The following VOPP1 variants were observed in gnomAD, a reference collection of about 807,000 sequenced individuals.
VOPP1 encodes the protein VOPP1 WW domain binding protein.
A neutral mutation model predicts 23.5 loss-of-function variants in VOPP1; 8 were observed. The observed-to-expected ratio is 0.34, with a 90% CI of 0.20 to 0.61. VOPP1 has a LOEUF of 0.61. Among genes scored for constraint, VOPP1 ranks in the 20% least tolerant of loss-of-function variants. VOPP1 has a pLI of 0.78. For missense variants in VOPP1, 174 were observed against 238.1 expected (o/e 0.73, Z 1.77); for synonymous variants, 83 against 97.3 (o/e 0.85, Z 0.86).
At chr7:55,521,729 C>A in intron 1 of VOPP1, 2 of 981,540 alleles carry the variant, frequency 2.0e-6, no homozygotes, top group Non-Finnish European at 2.4e-6. Context: ...CCCAGCCCCA[C>A]AGGGCAGGGC....
intron 4 of VOPP1, among the ~76,000 whole-genome samples, chr7:55,490,265 C>G (rs764338211): frequency 1.3e-5 from 2 of 151,950 alleles, no homozygotes; most frequent in Non-Finnish European, 2.9e-5. Context: ...AGGCACTGCT[C>G]CAGGGTGAGA....
intron 1 of VOPP1, among the ~76,000 whole-genome samples, chr7:55,527,634 C>T (rs1796265744): frequency 6.6e-6 from 1 of 152,158 alleles, no homozygotes; most frequent in Non-Finnish European, 1.5e-5. Flanking sequence ...GGTAAAAAGC[C>T]TCATCCCCAG....
At chr7:55,534,803 T>C (rs1796688009) in intron 1 of VOPP1, among the ~76,000 whole-genome samples, 1 of 152,222 alleles carries the variant, frequency 6.6e-6, no homozygotes, top group Admixed American at 6.5e-5. Flanking sequence ...CACCCAGTGC[T>C]CTGGACTTTG....
At chr7:55,546,888 G>T (rs1232469296) in intron 1 of VOPP1, among the ~76,000 whole-genome samples, 1 of 152,212 alleles carries the variant, frequency 6.6e-6, no homozygotes, top group Non-Finnish European at 1.5e-5. Context: ...AAAACCAACA[G>T]GAAGCACCTC....
intron 2 of VOPP1, among the ~76,000 whole-genome samples, chr7:55,517,751 T>C (rs1795561375): frequency 6.6e-6 from 1 of 152,094 alleles, no homozygotes; most frequent in Non-Finnish European, 1.5e-5. Flanking sequence ...AGCAGACCTC[T>C]CCTTGAGCAA....
At chr7:55,479,997 C>A (rs1022821915) in intron 4 of VOPP1, among the ~76,000 whole-genome samples, 2 of 152,146 alleles carry the variant, frequency 1.3e-5, no homozygotes, top group African/African-American at 2.4e-5. Flanking sequence ...TAAAATAAAA[C>A]GATCTTTTGT....
intron 1 of VOPP1, among the ~76,000 whole-genome samples, chr7:55,569,374 G>A (rs1235487156): frequency 1.3e-5 from 2 of 152,156 alleles, no homozygotes; most frequent in East Asian, 3.8e-4. Context: ...TCTTTCTAAG[G>A]AAGGGTGACT....
At chr7:55,435,662 T>C (rs1790805066), downstream of VOPP1, among the ~76,000 whole-genome samples, 1 of 152,200 alleles carries the variant, frequency 6.6e-6, no homozygotes, top group African/African-American at 2.4e-5. Flanking sequence ...TTTATGATCC[T>C]GTTTTACCCA....
intron 1 of VOPP1, among the ~76,000 whole-genome samples, chr7:55,569,408 T>C (rs1284231208): frequency 6.6e-6 from 1 of 152,164 alleles, no homozygotes; most frequent in African/African-American, 2.4e-5. Flanking sequence ...GAATACACTT[T>C]CCAGGGCCAC....
chr7:55,491,267 A>C (rs1236212977), intron 4 of VOPP1, among the ~76,000 whole-genome samples: 1 of 152,240 alleles, frequency 6.6e-6, no homozygotes, highest in Non-Finnish European at 1.5e-5. Context: ...CAAAATTTTA[A>C]TTATACATTA....
chr7:55,448,656 A>C (rs2129001003), intron 4 of VOPP1, among the ~76,000 whole-genome samples: 1 of 152,284 alleles, frequency 6.6e-6, no homozygotes, highest in African/African-American at 2.4e-5. Context: ...GGCTCCAGAA[A>C]GGGAAGGGAG....
chr7:55,473,081 G>C (rs752111425), intron 4 of VOPP1, 36 bp from the exon 5 acceptor site: 2 of 1,573,338 alleles, frequency 1.3e-6, no homozygotes, highest in South Asian at 2.4e-5. Context: ...GCACAGAAGG[G>C]AAAGCCCCAT....
rs143740203 is a variant in VOPP1, at chr7:55,550,434, T to A, written c.54+21837A>T. Among the ~76,000 whole-genome samples, 3 of 152,206 alleles carry A rather than the reference T, an allele frequency of 2.0e-5. No individual in the cohort carries two copies. The South Asian group carries it at 6.2e-4, about 31-fold the overall frequency. Reference sequence around the variant, plus strand: ...TGGTCTCGTACACTGCTGGAGGGAATATAAATTTGGTTTGAAAAAAGCTTT... The same window carrying A: ...TGGTCTCGTACACTGCTGGAGGGAAAATAAATTTGGTTTGAAAAAAGCTTT... On this transcript the variant is annotated intron_variant, in intron 1 of 4. Transcript: ENST00000285279.
intron 3 of VOPP1, among the ~76,000 whole-genome samples, chr7:55,495,502 T>TG (rs902541923): frequency 2.6e-5 from 4 of 152,226 alleles, no homozygotes; most frequent in African/African-American, 9.6e-5. Context: ...TCTTACACTC[T>TG]GGCCCTGCAA....
chr7:55,497,513 C>T (rs1224276307), intron 3 of VOPP1, 100 bp downstream of exon 3: 48 of 1,145,316 alleles, frequency 4.2e-5, no homozygotes, highest in Non-Finnish European at 4.1e-5. Context: ...GAGGCCACCA[C>T]CCAAGTGAAG....
At chr7:55,538,119 G>C (rs745617321) in intron 1 of VOPP1, among the ~76,000 whole-genome samples, 1 of 152,214 alleles carries the variant, frequency 6.6e-6, no homozygotes, top group African/African-American at 2.4e-5. Flanking sequence ...CTGAACTGGT[G>C]GAAAACTTTT....
At chr7:55,467,749 G>T (rs1354986226), downstream of VOPP1, among the ~76,000 whole-genome samples, 1 of 152,210 alleles carries the variant, frequency 6.6e-6, no homozygotes, top group Non-Finnish European at 1.5e-5. Flanking sequence ...CTTTCCCATA[G>T]GTGGCTGTGA....
rs1005056318 is a variant in VOPP1, at chr7:55,500,841, A to G, written c.114-3151T>C. Among the ~76,000 whole-genome samples, 4 of 152,232 alleles carry G rather than the reference A, an allele frequency of 2.6e-5. 1 individual carries two copies. The South Asian group carries it at 8.3e-4, about 32-fold the overall frequency. ...CAGGTCACTGTCTGCAGAAGCGAAG[A>G]GTGGACTTGGCCAGCATTTCAGGAA... On this transcript the variant is annotated intron_variant, in intron 2 of 4. Transcript: ENST00000285279.
intron 4 of VOPP1, among the ~76,000 whole-genome samples, chr7:55,491,976 T>G (rs896942822): frequency 2.6e-5 from 4 of 152,114 alleles, no homozygotes; most frequent in African/African-American, 9.7e-5. Flanking sequence ...ACACAGAAAT[T>G]TATATGTGAA....
Sources: gnomAD v4.1 joint callset for allele counts (sites outside exome capture counted in the v4.1 genomes callset) on GRCh38, gnomAD v4.1.1 for gene constraint, MANE v1.5 for transcripts, NCBI Gene and HGNC (gene_info 2026-07-23, HGNC 2026-07-21) for gene names.